IL9R: variants seen among roughly 807,000 people sequenced by gnomAD.
IL9R encodes the protein interleukin-9 receptor.
In IL9R, 54 loss-of-function variants were observed where a neutral mutation model predicts 56.3. The observed-to-expected ratio is 0.96, with a 90% CI of 0.77 to 1.20. The LOEUF (loss-of-function observed/expected upper bound fraction) is 1.20. Ranked by LOEUF, IL9R falls within the 50% of genes most tolerant of loss-of-function variation. The probability of loss-of-function intolerance (pLI) is 0.00; values close to 1 mark genes in which losing one functional copy is unlikely to be tolerated. For synonymous variants in IL9R, 212 were observed against 250.2 expected (o/e 0.85, Z 1.44); for missense variants, 545 against 629.8 (o/e 0.87, Z 1.44).
intron 1 of IL9R, 68 bp from the exon 2 acceptor site, chrX:156,002,838 C>A (rs1163887665): frequency 2.5e-6 from 4 of 1,610,354 alleles, no homozygotes; most frequent in Non-Finnish European, 3.4e-6. Context: ...TGCTGGGGAG[C>A]AATTCATGGG....
At chrX:155,998,218 A>G (rs918198444) in intron 1 of IL9R, among the ~76,000 whole-genome samples, 1 of 151,988 alleles carries the variant, frequency 6.6e-6, no homozygotes. Context: ...AGCTTCTACC[A>G]ACCCCGAGGC....
intron 8 of IL9R, among the ~76,000 whole-genome samples, chrX:156,009,109 T>A (rs1467130201): frequency 8.8e-6 from 1 of 114,208 alleles, no homozygotes; most frequent in Non-Finnish European, 1.9e-5. Context: ...GTGTGTGTGT[T>A]TATGTGTCTG....
downstream of IL9R, among the ~76,000 whole-genome samples, chrX:156,011,340 T>A (rs1211168735): frequency 2.9e-5 from 3 of 103,822 alleles, 1 homozygote; most frequent in Non-Finnish European, 5.1e-5. Flanking sequence ...GTTGGCAGTG[T>A]TCCCAACCAC....
At chrX:156,003,965 C>A in intron 4 of IL9R, 110 bp downstream of exon 4, 1 of 1,149,988 alleles carries the variant, frequency 8.7e-7, no homozygotes, top group Non-Finnish European at 1.3e-6. Context: ...TGAGTGTTCT[C>A]AGTCCCAGCC....
chrX:156,008,595 C>A (rs1245428516), intron 8 of IL9R, among the ~76,000 whole-genome samples: 2 of 152,186 alleles, frequency 1.3e-5, no homozygotes, highest in Non-Finnish European at 2.9e-5. Flanking sequence ...CTGTTGCGGG[C>A]ACCAGCTGTT....
intron 1 of IL9R, 37 bp downstream of exon 1, chrX:155,997,824 C>G (rs372949880): frequency 1.2e-4 from 186 of 1,594,526 alleles, no homozygotes; most frequent in Non-Finnish European, 1.6e-4. Context: ...CCTCTCAAGT[C>G]AGCATGAAAT....
At chrX:156,006,978 G>A (rs939870248) in intron 7 of IL9R, among the ~76,000 whole-genome samples, 58 of 151,800 alleles carry the variant, frequency 3.8e-4, no homozygotes, top group African/African-American at 1.4e-3. Context: ...AGGGTCTCAT[G>A]AGGGGAAATA....
intron 1 of IL9R, chrX:156,001,644 T>A: frequency 6.1e-6 from 1 of 162,734 alleles, no homozygotes; most frequent in Non-Finnish European, 9.8e-6. Context: ...AGGCTGTAAG[T>A]CTGTGTGCGT....
In IL9R at chrX:156,001,564, A is replaced by C. The variant is rs1440085610; in HGVS notation, c.29-1342A>C. 7 of 1,250,530 alleles carry C rather than the reference A, an allele frequency of 5.6e-6. No homozygotes were observed. The Admixed American group carries it at 1.0e-4, about 18-fold the overall frequency. 77.5% of individuals were successfully genotyped at this position (1,250,530 alleles called of 1,614,324 possible). A position where few individuals can be genotyped will look rare whatever the true frequency, so the allele number is the denominator to read the frequency against. ...GGGACTGTCCTATGGGTACCTGTAT[A>C]CGCTGCCGGGAGTGGGGCAGAGTGG... On this transcript the variant is annotated intron_variant, in intron 1 of 8. Coordinates refer to ENST00000244174, the MANE Select transcript of IL9R (RefSeq NM_002186.3).
intron 8 of IL9R, among the ~76,000 whole-genome samples, chrX:156,009,316 GTGTT>G (rs2068310988): frequency 2.7e-5 from 4 of 146,928 alleles, no homozygotes; most frequent in Non-Finnish European, 4.4e-5. Flanking sequence ...GTGTCTGTGT[GTGTT>G]TATGTCTGTG....
At position 156,004,581 on chromosome X, in the gene IL9R, G is replaced by A; in HGVS notation, c.579+16G>A. The A allele has an allele frequency of 1.2e-6, 2 of 1,611,892 alleles. No individual in the cohort carries two copies. Among genetic ancestry groups the A allele is most frequent in the South Asian group, 2.2e-5 (2 of 90,962 alleles). On this transcript the variant is annotated intron_variant, in intron 5 of 8. Coordinates refer to ENST00000244174, the MANE Select transcript of IL9R (RefSeq NM_002186.3). Reference sequence around the variant, plus strand: ...GGCCTGGGAGGTAACACTTTGGCTGGCTTTCCCTGGGGGCCTCTCTCCTGG... The same window carrying A: ...GGCCTGGGAGGTAACACTTTGGCTGACTTTCCCTGGGGGCCTCTCTCCTGG...
intron 1 of IL9R, among the ~76,000 whole-genome samples, chrX:156,002,045 A>G (rs909659189): frequency 7.0e-6 from 1 of 142,140 alleles, no homozygotes; most frequent in Non-Finnish European, 1.5e-5. Flanking sequence ...GACAAAAGGG[A>G]GAGAGAATGC....
intron 1 of IL9R, among the ~76,000 whole-genome samples, 200 bp from the exon 2 acceptor site, chrX:156,002,706 G>C (rs1349909947): frequency 1.3e-5 from 2 of 152,170 alleles, no homozygotes; most frequent in African/African-American, 4.8e-5. Context: ...TGAGTCAAAT[G>C]GCCTTTCTGA....
chrX:156,005,154 C>T, intron 5 of IL9R, 124 bp from the exon 6 acceptor site: 1 of 739,726 alleles, frequency 1.4e-6, no homozygotes, highest in Non-Finnish European at 2.4e-6. Flanking sequence ...GTGAGTGTGT[C>T]TGTGTGTTAA....
At chrX:156,006,226 G>A (rs1182999055) in intron 7 of IL9R, 38 bp downstream of exon 7, 2 of 781,186 alleles carry the variant, frequency 2.6e-6, no homozygotes, top group East Asian at 2.5e-5. Flanking sequence ...ACATGTGTGA[G>A]CGGGCAAGAG....
intron 1 of IL9R, chrX:156,001,242 G>A (rs1256000861): frequency 2.3e-5 from 16 of 690,190 alleles, no homozygotes; most frequent in Non-Finnish European, 4.0e-5. Context: ...CATAGATGTG[G>A]GTGTTTCTCC....
Position 156,009,338 on chromosome X carries a change from G to T in IL9R, c.973-478G>T, listed in dbSNP as rs1319020007. 2.5e-5 allele frequency among the ~76,000 whole-genome samples: 3 copies of T among 121,036 alleles called. No homozygotes were observed. In the Admixed American group the frequency reaches 2.8e-4, roughly 11 times the overall value. 79.4% of individuals were successfully genotyped at this position (121,036 alleles called of 152,430 possible). On this transcript the variant is annotated intron_variant, in intron 8 of 8. Coordinates refer to ENST00000244174, the MANE Select transcript of IL9R (RefSeq NM_002186.3). ...TGTGTGTTTATGTCTGTGTGTGTTT[G>T]TGTGTGTGTGTCTCGTGTGTGTGTG...
rs919891934 is a variant in IL9R, at chrX:156,007,425, G to A, written c.888-98G>A. The A allele has an allele frequency of 1.3e-5, 11 of 819,616 alleles. No homozygotes were observed. The African/African-American group carries it at 1.4e-4, about 10-fold the overall frequency. 50.8% of individuals were successfully genotyped at this position (819,616 alleles called of 1,614,324 possible). On this transcript the variant is annotated intron_variant, in intron 7 of 8. Transcript: ENST00000244174. ...AGAGAGGCAGTGGCAGGGACGAGGTGGGCGGACCTCCTGCTGATGGAAGGA... is the reference window on the plus strand; with the variant it reads ...AGAGAGGCAGTGGCAGGGACGAGGTAGGCGGACCTCCTGCTGATGGAAGGA...
chrX:156,011,533 A>G (rs2068443379), downstream of IL9R, among the ~76,000 whole-genome samples: 5 of 105,552 alleles, frequency 4.7e-5, 1 homozygote, highest in Admixed American at 4.2e-4. Context: ...GACATACATA[A>G]TTTATGAGCT....
Sources: gnomAD v4.1 joint callset for allele counts (sites outside exome capture counted in the v4.1 genomes callset) on GRCh38, gnomAD v4.1.1 for gene constraint, MANE v1.5 for transcripts, NCBI Gene and HGNC (gene_info 2026-07-23, HGNC 2026-07-21) for gene names.